The following SNX29 variants were observed in gnomAD, a reference collection of about 807,000 sequenced individuals.
SNX29 encodes the protein sorting nexin-29.
A neutral mutation model predicts 102.1 loss-of-function variants in SNX29; 78 were observed. The observed-to-expected ratio is 0.76, with a 90% CI of 0.64 to 0.92. The LOEUF (loss-of-function observed/expected upper bound fraction) is 0.92. Among genes scored for constraint, SNX29 ranks in the 40% least tolerant of loss-of-function variants. The pLI, the probability that SNX29 is intolerant of heterozygous loss-of-function variation, is 0.00. For synonymous variants in SNX29, 580 were observed against 414.5 expected (o/e 1.40, Z -4.85); for missense variants, 1,280 against 1,061.7 (o/e 1.21, Z -2.86).
At chr16:12,298,930 T>G (rs1472448345) in intron 15 of SNX29, among the ~76,000 whole-genome samples, 1 of 152,118 alleles carries the variant, frequency 6.6e-6, no homozygotes, top group East Asian at 1.9e-4. Context: ...TTGATTCTTT[T>G]ATTTATCCAT....
At chr16:12,503,650 G>A (rs2089232688) in intron 19 of SNX29, among the ~76,000 whole-genome samples, 1 of 152,204 alleles carries the variant, frequency 6.6e-6, no homozygotes, top group Admixed American at 6.5e-5. Context: ...AGCGATCCCA[G>A]CAGAACGGGG....
intron 18 of SNX29, among the ~76,000 whole-genome samples, chr16:12,458,013 A>G (rs2086613663): frequency 6.6e-6 from 1 of 152,250 alleles, no homozygotes; most frequent in South Asian, 2.1e-4. Context: ...TTACTCTGAA[A>G]TGATTACTGC....
intron 14 of SNX29, among the ~76,000 whole-genome samples, chr16:12,249,116 A>G (rs534243689): frequency 6.6e-6 from 1 of 152,302 alleles, no homozygotes; most frequent in South Asian, 2.1e-4. Context: ...TGGGTGAGTT[A>G]GGGGTTCAGT....
chr16:12,428,247 G>A (rs2085163280), intron 18 of SNX29, among the ~76,000 whole-genome samples: 3 of 152,120 alleles, frequency 2.0e-5, no homozygotes, highest in Admixed American at 1.3e-4. Context: ...AATAAGTTTA[G>A]TATAAAATGT....
At chr16:12,475,838 T>C (rs913200285) in intron 18 of SNX29, among the ~76,000 whole-genome samples, 2 of 152,240 alleles carry the variant, frequency 1.3e-5, no homozygotes, top group East Asian at 3.8e-4. Context: ...AGGGACTGTC[T>C]GTATTTCAAA....
At chr16:12,442,863 GA>G in intron 18 of SNX29, 1 of 378,460 alleles carries the variant, frequency 2.6e-6, no homozygotes, top group Admixed American at 3.1e-5. Context: ...CAAGTCCTGG[GA>G]TTTTAGGTGT....
chr16:12,232,551 T>C (rs1447352391), intron 14 of SNX29, among the ~76,000 whole-genome samples: 1 of 152,224 alleles, frequency 6.6e-6, no homozygotes, highest in Non-Finnish European at 1.5e-5. Context: ...GAATCGTGGC[T>C]TTTGTTTGCT....
chr16:12,393,412 GCATTCATT>G (rs995951326), intron 16 of SNX29, among the ~76,000 whole-genome samples: 1 of 138,376 alleles, frequency 7.2e-6, no homozygotes, highest in Non-Finnish European at 1.6e-5. Context: ...ATGCATGCAT[GCATTCATT>G]CATTCATTCA....
At chr16:12,468,130 C>G (rs945948667) in intron 18 of SNX29, among the ~76,000 whole-genome samples, 16 of 150,856 alleles carry the variant, frequency 1.1e-4, no homozygotes, top group East Asian at 3.9e-4. Flanking sequence ...GCCCTTTGCC[C>G]TACAGCTGTT....
intron 13 of SNX29, among the ~76,000 whole-genome samples, chr16:12,196,658 G>C (rs111726980): frequency 0.018 from 2,378 of 128,926 alleles, 61 homozygotes; most frequent in African/African-American, 0.065. Context: ...GTCTCACTCT[G>C]TTGCGAGGCT....
intron 19 of SNX29, among the ~76,000 whole-genome samples, chr16:12,511,684 C>T (rs1597671624): frequency 6.6e-6 from 1 of 152,186 alleles, no homozygotes; most frequent in African/African-American, 2.4e-5. Context: ...AATGATACCG[C>T]GTGAATGCTG....
chr16:12,564,558 T>G (rs913380141), intron 20 of SNX29, among the ~76,000 whole-genome samples: 5 of 152,196 alleles, frequency 3.3e-5, no homozygotes, highest in African/African-American at 1.2e-4. Flanking sequence ...GGCAACCCAT[T>G]CTTATGGATT....
intron 15 of SNX29, among the ~76,000 whole-genome samples, chr16:12,331,696 C>T (rs1397920073): frequency 2.0e-5 from 3 of 152,064 alleles, no homozygotes; most frequent in African/African-American, 4.8e-5. Flanking sequence ...GGACTACAGG[C>T]GCCCGCCTCC....
At chr16:12,566,485 A>G (rs4781262) in intron 20 of SNX29, among the ~76,000 whole-genome samples, 146,820 of 152,264 alleles carry the variant, frequency 0.96, 70,957 homozygotes, top group African/African-American at 0.99. Flanking sequence ...CTGAATGATG[A>G]TGGTGGTTGC....
chr16:12,043,849 T>A (rs935644027), intron 5 of SNX29, among the ~76,000 whole-genome samples: 2 of 152,140 alleles, frequency 1.3e-5, no homozygotes, highest in African/African-American at 4.8e-5. Flanking sequence ...CGTCTCCTAG[T>A]TCGAGCGATT....
At chr16:12,523,438 G>T (rs770476665) in intron 19 of SNX29, among the ~76,000 whole-genome samples, 4 of 152,202 alleles carry the variant, frequency 2.6e-5, no homozygotes, top group Non-Finnish European at 5.9e-5. Context: ...GAAGGAGCAT[G>T]ACGGTCTCAG....
intron 15 of SNX29, among the ~76,000 whole-genome samples, chr16:12,291,884 G>A (rs1252726291): frequency 6.6e-6 from 1 of 152,226 alleles, no homozygotes; most frequent in Middle Eastern, 3.2e-3. Context: ...ATGAGTGAGT[G>A]AAGAGTGAGT....
At chr16:12,473,114 A>G (rs1028090525) in intron 18 of SNX29, among the ~76,000 whole-genome samples, 20 of 152,220 alleles carry the variant, frequency 1.3e-4, no homozygotes, top group Non-Finnish European at 7.3e-5. Context: ...AATAACAAAC[A>G]AAACAAAAAA....
rs376418962 is a variant in SNX29, at chr16:12,052,094, C to T, written c.996C>T (p.Asn332=). The T allele has an allele frequency of 2.6e-4, 412 of 1,613,830 alleles. 7 individuals carry two copies. In the South Asian group the frequency reaches 4.2e-3, roughly 17 times the overall value. ...GGAAAATTGATTCCCTGTCTTTGAA[C>T]GGGGAGTTTGGGTACCAGAAGCTTG... The part of the protein sequence containing the change: ...NSWKIDSLSL[N]GEFGYQKLDV... The change falls in exon 8 of 21, where the codon AAC becomes AAT. Residue 332 remains asparagine (N), a synonymous_variant. Transcript: ENST00000566228.
Sources: allele counts gnomAD v4.1 joint callset (sites outside exome capture counted in the v4.1 genomes callset), GRCh38; gene constraint gnomAD v4.1.1; transcripts MANE v1.5; gene names NCBI Gene and HGNC (gene_info 2026-07-23, HGNC 2026-07-21).